Variants in SLIT2 observed in about 807,000 individuals in gnomAD.
The protein encoded by SLIT2 is slit homolog 2 protein.
A neutral mutation model predicts 185.7 loss-of-function variants in SLIT2; 41 were observed. The ratio of observed to expected loss-of-function variants is 0.22; its 90% confidence interval spans 0.17 to 0.29. SLIT2 has a LOEUF of 0.29. Ranked by LOEUF, SLIT2 falls within the 10% of genes least tolerant of loss-of-function variation. SLIT2 has a pLI of 1.00. For synonymous variants in SLIT2, 693 were observed against 680.2 expected, an observed-to-expected ratio of 1.02 and a Z score of -0.29; for missense variants, 1,571 against 1,909.0, an observed-to-expected ratio of 0.82 and a Z score of 3.30.
In SLIT2 at chr4:20,593,722, C is replaced by T. The variant is rs148580986; in HGVS notation, c.3183-1975C>T. 1.6e-4 allele frequency among the ~76,000 whole-genome samples: 25 copies of T among 152,140 alleles called. No individual in the cohort carries two copies. The East Asian group carries it at 3.7e-3, about 22-fold the overall frequency. On this transcript the variant is annotated intron_variant, in intron 30 of 36. Coordinates refer to ENST00000504154, the MANE Select transcript of SLIT2 (RefSeq NM_004787.4). ...TTTCACAATGTATGTATGTATAAAA[C>T]ATTACCATGTACATCTTTAAAATAT...
At chr4:20,474,948 C>G (rs1715933914) in intron 5 of SLIT2, among the ~76,000 whole-genome samples, 1 of 151,634 alleles carries the variant, frequency 6.6e-6, no homozygotes, top group African/African-American at 2.4e-5. Flanking sequence ...CTATAGTATA[C>G]TAGATACAGA....
At chr4:20,494,331 C>G (rs117075884) in intron 9 of SLIT2, among the ~76,000 whole-genome samples, 1,800 of 152,220 alleles carry the variant, frequency 0.012, 42 homozygotes, top group East Asian at 0.12. Flanking sequence ...GAAAAATAAA[C>G]CAGACTCTGC....
At chr4:20,432,451 C>CA (rs1729065972) in intron 4 of SLIT2, among the ~76,000 whole-genome samples, 1 of 150,402 alleles carries the variant, frequency 6.6e-6, no homozygotes, top group Non-Finnish European at 1.5e-5. Context: ...GACCTCTCAA[C>CA]AAGGACCACG....
chr4:20,542,674 A>G (rs202116627), intron 21 of SLIT2, 48 bp downstream of exon 21: 43 of 1,594,996 alleles, frequency 2.7e-5, no homozygotes, highest in Non-Finnish European at 3.6e-5. Context: ...TTGATGATAA[A>G]TGTTTCATAC....
chr4:20,533,611 A>G lies in SLIT2; in HGVS notation c.1728A>G (p.Gly576=). Residue 576 remains glycine, a synonymous_variant, in exon 18 of 37, where the codon GGA becomes GGG. Coordinates refer to ENST00000504154, the MANE Select transcript of SLIT2 (RefSeq NM_004787.4). ...SNNKITDIEE[G]AFEGASGVNE... is the part of the protein sequence containing the mutation. ...ATAAGATCACAGATATTGAGGAGGG[A>G]GCATTTGAAGGAGCATCTGGTGTAA... 1 of 1,611,492 alleles carries G rather than the reference A, an allele frequency of 6.2e-7. No homozygotes were observed. Among genetic ancestry groups the G allele is most frequent in the South Asian group, 1.1e-5 (1 of 91,012 alleles).
At chr4:20,502,269 C>T (rs1178986589) in intron 9 of SLIT2, among the ~76,000 whole-genome samples, 1 of 152,140 alleles carries the variant, frequency 6.6e-6, no homozygotes, top group Non-Finnish European at 1.5e-5. Context: ...ATGGTAAGGA[C>T]AGACAGAAAC....
At chr4:20,477,827 G>T (rs1466068307) in intron 5 of SLIT2, among the ~76,000 whole-genome samples, 1 of 152,064 alleles carries the variant, frequency 6.6e-6, no homozygotes, top group Non-Finnish European at 1.5e-5. Flanking sequence ...GTCTCCTCTG[G>T]CTATTTTCTT....
At chr4:20,415,216 C>T (rs1727557345) in intron 4 of SLIT2, among the ~76,000 whole-genome samples, 3 of 152,102 alleles carry the variant, frequency 2.0e-5, no homozygotes, top group South Asian at 2.1e-4. Context: ...CAGAGACCAT[C>T]CTGGCTAACA....
At chr4:20,536,571 A>C (rs528575706) in intron 18 of SLIT2, among the ~76,000 whole-genome samples, 2,647 of 150,556 alleles carry the variant, frequency 0.018, 92 homozygotes, top group African/African-American at 0.06. Flanking sequence ...AAAAAAAAAA[A>C]AAAAAAAACA....
chr4:20,324,650 T>G (rs1199244010), intron 4 of SLIT2, among the ~76,000 whole-genome samples: 4 of 152,168 alleles, frequency 2.6e-5, no homozygotes, highest in African/African-American at 9.7e-5. Context: ...CATCACAGAA[T>G]AACTATGTGA....
chr4:20,532,895 A>C (rs1241822881), intron 17 of SLIT2, among the ~76,000 whole-genome samples: 1 of 152,212 alleles, frequency 6.6e-6, no homozygotes, highest in African/African-American at 2.4e-5. Context: ...TACTGTGTGC[A>C]ATTCTCTCAG....
At chr4:20,439,714 T>C (rs1308918463) in intron 4 of SLIT2, among the ~76,000 whole-genome samples, 2 of 152,182 alleles carry the variant, frequency 1.3e-5, no homozygotes, top group Non-Finnish European at 2.9e-5. Context: ...TTGACTTCAT[T>C]AATGGTAGGC....
intron 4 of SLIT2, among the ~76,000 whole-genome samples, chr4:20,385,157 C>T (rs951419649): frequency 1.3e-5 from 2 of 152,030 alleles, no homozygotes; most frequent in African/African-American, 4.8e-5. Flanking sequence ...TCACCTTTGC[C>T]AGGGTTAGGG....
At chr4:20,562,249 T>C (rs1724755356) in intron 26 of SLIT2, among the ~76,000 whole-genome samples, 1 of 151,792 alleles carries the variant, frequency 6.6e-6, no homozygotes, top group Non-Finnish European at 1.5e-5. Context: ...ATCTTCGACA[T>C]TGGTGGCCAC....
chr4:20,449,835 A>G (rs1020593888), intron 4 of SLIT2, among the ~76,000 whole-genome samples: 12 of 152,238 alleles, frequency 7.9e-5, no homozygotes, highest in African/African-American at 2.7e-4. Flanking sequence ...CTCAAGAGGT[A>G]TGAAAGCTGG....
chr4:20,448,193 A>G (rs925917262), intron 4 of SLIT2, among the ~76,000 whole-genome samples: 1 of 152,212 alleles, frequency 6.6e-6, no homozygotes, highest in South Asian at 2.1e-4. Flanking sequence ...TATGCTAATA[A>G]TGCCCTAGTT....
Position 20,472,323 on chromosome 4 carries a change from T to G in SLIT2, c.467+4500T>G, listed in dbSNP as rs1461305729. Among the ~76,000 whole-genome samples the G allele has an allele frequency of 6.8e-3, 577 of 84,712 alleles. 79 individuals are homozygous for G. The highest frequency in any genetic ancestry group is 8.4e-3 in the Non-Finnish European group (393 of 46,568). The allele number at this position is 84,712 out of a possible 152,430, so 55.6% of individuals were successfully genotyped here. A position where few individuals can be genotyped will look rare whatever the true frequency, so the allele number is the denominator to read the frequency against. Reference sequence around the variant, plus strand: ...ATATAGATCTATATATAGATATATATATCTATATATAGATCTATATATAGA... The same window carrying G: ...ATATAGATCTATATATAGATATATAGATCTATATATAGATCTATATATAGA... On this transcript the variant is annotated intron_variant, in intron 5 of 36. Transcript: ENST00000504154.
At chr4:20,294,007 A>G (rs1452287389) in intron 4 of SLIT2, among the ~76,000 whole-genome samples, 1 of 151,976 alleles carries the variant, frequency 6.6e-6, no homozygotes, top group African/African-American at 2.4e-5. Flanking sequence ...ACAGAACTGT[A>G]TATGATGCTT....
At chr4:20,525,510 G>C (rs1226649488) in intron 15 of SLIT2, among the ~76,000 whole-genome samples, 1 of 151,964 alleles carries the variant, frequency 6.6e-6, no homozygotes, top group Non-Finnish European at 1.5e-5. Context: ...CTTCCAACCT[G>C]TTTTTAAAAT....
Sources: gnomAD v4.1 joint callset for allele counts (sites outside exome capture counted in the v4.1 genomes callset) on GRCh38, gnomAD v4.1.1 for gene constraint, MANE v1.5 for transcripts, NCBI Gene and HGNC (gene_info 2026-07-23, HGNC 2026-07-21) for gene names.